The following MTMR3 variants were observed in gnomAD, a reference collection of about 807,000 sequenced individuals.
MTMR3 encodes phosphatidylinositol-3,5-bisphosphate 3-phosphatase MTMR3.
MTMR3 carries 32 observed loss-of-function variants against 132.4 expected under a neutral mutation model. The ratio of observed to expected loss-of-function variants is 0.24; its 90% CI spans 0.18 to 0.32. MTMR3 has a LOEUF of 0.32. Ranked by LOEUF, MTMR3 falls within the 10% of genes least tolerant of loss-of-function variation. MTMR3 has a pLI of 1.00. For missense variants in MTMR3, 1,216 were observed against 1,489.6 expected, an observed-to-expected ratio of 0.82 and a Z score of 3.02; for synonymous variants, 556 against 550.3, an observed-to-expected ratio of 1.01 and a Z score of -0.14.
At chr22:29,980,332 A>G (rs1213898914) in intron 5 of MTMR3, 2 of 152,172 alleles carry the variant, frequency 1.3e-5, no homozygotes, top group Non-Finnish European at 2.9e-5. Context: ...GATTTGGGCC[A>G]TGATTATAGC....
intron 14 of MTMR3, chr22:30,014,759 C>T (rs554454013): frequency 2.0e-5 from 3 of 152,108 alleles, no homozygotes; most frequent in Admixed American, 1.3e-4. Flanking sequence ...GTGATTCTCC[C>T]GCCTTGGTTG....
In MTMR3 at chr22:30,029,476, A is replaced by C. The variant is rs2067973628; in HGVS notation, c.*3675A>C. 6.6e-6 allele frequency: 1 copy of C among 152,318 alleles called. No homozygotes were observed. Among genetic ancestry groups the C allele is most frequent in the African/African-American group, 2.4e-5 (1 of 41,428 alleles). The allele number at this position is 152,318 out of a possible 1,614,324, so 9.4% of individuals were successfully genotyped here. A position where few individuals can be genotyped will look rare whatever the true frequency, so the allele number is the denominator to read the frequency against. On this transcript the variant is annotated 3_prime_UTR_variant, in exon 20 of 20. Coordinates refer to ENST00000401950, the MANE Select transcript of MTMR3 (RefSeq NM_021090.4). ...GGTAGATCTAAAGGAGAATGAACAG[A>C]AGGTGCTGGAGGACCTGTTAAACAA...
At chr22:29,920,939 T>C (rs1244017472) in intron 1 of MTMR3, among the ~76,000 whole-genome samples, 1 of 130,720 alleles carries the variant, frequency 7.6e-6, no homozygotes, top group Non-Finnish European at 1.5e-5. Context: ...ATCTAATATG[T>C]CAGAGCTATG....
intron 7 of MTMR3, chr22:29,998,469 C>T (rs1675518226): frequency 5.8e-6 from 1 of 171,348 alleles, no homozygotes; most frequent in South Asian, 1.4e-4. Flanking sequence ...GTGGTAAAAC[C>T]CCATCTCTAC....
At chr22:29,921,605 G>C (rs528890102) in intron 1 of MTMR3, among the ~76,000 whole-genome samples, 2 of 151,954 alleles carry the variant, frequency 1.3e-5, no homozygotes, top group Non-Finnish European at 2.9e-5. Flanking sequence ...GTTGTGCATT[G>C]GTTACCACCA....
Position 29,910,714 on chromosome 22 carries a change from CT to C in MTMR3, c.-138+27369del, listed in dbSNP as rs78265367. Among the ~76,000 whole-genome samples the C allele has an allele frequency of 9.5e-3, 1,327 of 138,990 alleles. 6 individuals are homozygous for C. Among genetic ancestry groups the C allele is most frequent in the African/African-American group, 0.018 (689 of 38,178 alleles). 91.2% of individuals were successfully genotyped at this position (138,990 alleles called of 152,430 possible). On this transcript the variant is annotated intron_variant, in intron 1 of 19. Transcript: ENST00000401950. ...TAAATTGACTTTTATGCCTCTTTTC[CT>C]TTTTTTTTTTTTTAACCTGTTAAGA...
intron 3 of MTMR3, among the ~76,000 whole-genome samples, chr22:29,972,942 A>C (rs1325443424): frequency 6.6e-6 from 1 of 152,188 alleles, no homozygotes; most frequent in Non-Finnish European, 1.5e-5. Flanking sequence ...AAAATAATTA[A>C]GTTTCTATTT....
intron 2 of MTMR3, among the ~76,000 whole-genome samples, chr22:29,966,722 T>TGTGCGTGC (rs200903760): frequency 1.7e-3 from 172 of 98,386 alleles, no homozygotes; most frequent in East Asian, 8.2e-3. Flanking sequence ...CCTGTAGGGG[T>TGTGCGTGC]GTGCGTGTGT....
At chr22:29,976,467 G>A (rs891151022) in intron 3 of MTMR3, among the ~76,000 whole-genome samples, 5 of 152,104 alleles carry the variant, frequency 3.3e-5, no homozygotes, top group Admixed American at 2.0e-4. Flanking sequence ...TTGTGACACC[G>A]TAATATTGCA....
intron 12 of MTMR3, chr22:30,010,217 A>C (rs2067380252): frequency 6.6e-6 from 1 of 152,108 alleles, no homozygotes; most frequent in Admixed American, 6.6e-5. Context: ...GAACTGTGTA[A>C]CCTTGGCCAA....
At chr22:29,987,005 T>C (rs2066872642) in intron 5 of MTMR3, 1 of 152,220 alleles carries the variant, frequency 6.6e-6, no homozygotes, top group Admixed American at 6.5e-5. Flanking sequence ...CCTCCCAAAA[T>C]GTTGGCATTA....
chr22:29,949,124 C>T (rs2066008450), intron 1 of MTMR3, among the ~76,000 whole-genome samples: 1 of 39,220 alleles, frequency 2.5e-5, no homozygotes, highest in Non-Finnish European at 5.7e-5. Flanking sequence ...CACACACACA[C>T]ACACACACAC....
intron 11 of MTMR3, 187 bp from the exon 12 acceptor site, chr22:30,008,831 T>C (rs891897241): frequency 2.2e-6 from 1 of 461,542 alleles, no homozygotes; most frequent in Admixed American, 4.0e-5. Flanking sequence ...TTTGAAAAGA[T>C]AGCTAAAATT....
chr22:29,936,854 T>C (rs1602511853), intron 1 of MTMR3, among the ~76,000 whole-genome samples: 1 of 152,172 alleles, frequency 6.6e-6, no homozygotes, highest in South Asian at 2.1e-4. Context: ...TTGAGTAGAA[T>C]ATAAAATAGT....
chr22:29,884,756 A>G (rs1371024100), intron 1 of MTMR3, among the ~76,000 whole-genome samples: 2 of 151,646 alleles, frequency 1.3e-5, no homozygotes, highest in Non-Finnish European at 2.9e-5. Context: ...AGAGACGGGG[A>G]TTTCACCATG....
rs2067457441 is a variant in MTMR3, at chr22:30,012,503, C to T, written c.1257C>T (p.Arg419=). 2 of 1,614,040 alleles carry T rather than the reference C, an allele frequency of 1.2e-6. No homozygotes were observed. Among genetic ancestry groups the T allele is most frequent in the Non-Finnish European group, 8.5e-7 (1 of 1,180,012 alleles). The change falls in exon 13 of 20, where the codon CGC becomes CGT. Residue 419 remains arginine (R), a synonymous_variant. Coordinates refer to ENST00000401950, the MANE Select transcript of MTMR3 (RefSeq NM_021090.4). ...TACACTGCTCAGATGGCTGGGACCG[C>T]ACCCCCCAGATTGTGGCATTGGCTA... ...VLVHCSDGWD[R]TPQIVALAKL...
chr22:30,007,379 A>G (rs1255675471), intron 10 of MTMR3, 60 bp downstream of exon 10: 28 of 1,492,498 alleles, frequency 1.9e-5, no homozygotes, highest in Non-Finnish European at 2.5e-5. Flanking sequence ...CCTTTTCTTG[A>G]AATGGCCTCT....
At chr22:29,890,713 TTC>T (rs1274274563) in intron 1 of MTMR3, among the ~76,000 whole-genome samples, 1 of 152,188 alleles carries the variant, frequency 6.6e-6, no homozygotes, top group Admixed American at 6.5e-5. Context: ...TGAAACAGTT[TTC>T]TGTTTCTTTT....
At chr22:29,910,955 T>C (rs1426933618) in intron 1 of MTMR3, among the ~76,000 whole-genome samples, 1 of 152,232 alleles carries the variant, frequency 6.6e-6, no homozygotes, top group Admixed American at 6.5e-5. Context: ...TCCTAAGTTG[T>C]ATCCTTAAAT....
Sources: gnomAD v4.1 joint callset for allele counts (sites outside exome capture counted in the v4.1 genomes callset) on GRCh38, gnomAD v4.1.1 for gene constraint, MANE v1.5 for transcripts, NCBI Gene and HGNC (gene_info 2026-07-23, HGNC 2026-07-21) for gene names.